EPB41L4A: variants seen among roughly 807,000 people sequenced by gnomAD.
The protein encoded by EPB41L4A is erythrocyte membrane protein band 4.1 like 4A.
A neutral mutation model predicts 108.6 loss-of-function variants in EPB41L4A; 100 were observed. The ratio of observed to expected loss-of-function variants is 0.92; its 90% CI spans 0.78 to 1.09. The LOEUF is 1.09. Among genes scored for constraint, EPB41L4A ranks in the 50% least tolerant of loss-of-function variants. EPB41L4A has a pLI of 0.00. For synonymous variants in EPB41L4A, 319 were observed against 289.0 expected (o/e 1.10, Z -1.05); for missense variants, 1,030 against 842.7 (o/e 1.22, Z -2.75).
intron 1 of EPB41L4A, among the ~76,000 whole-genome samples, chr5:112,328,272 G>A (rs1756314001): frequency 6.6e-6 from 1 of 151,978 alleles, no homozygotes; most frequent in Non-Finnish European, 1.5e-5. Flanking sequence ...TTGTGCCACT[G>A]TACTCCAGCC....
intron 17 of EPB41L4A, among the ~76,000 whole-genome samples, chr5:112,189,440 A>G (rs889292308): frequency 5.3e-5 from 8 of 152,212 alleles, no homozygotes; most frequent in African/African-American, 1.9e-4. Flanking sequence ...AGTGGGTTCA[A>G]TTTCATAGTA....
chr5:112,267,085 A>G (rs1751916165), intron 4 of EPB41L4A, among the ~76,000 whole-genome samples: 1 of 152,230 alleles, frequency 6.6e-6, no homozygotes, highest in Non-Finnish European at 1.5e-5. Flanking sequence ...TCAGGATGTC[A>G]TGTAACTTTG....
At chr5:112,373,774 C>T (rs1759637465) in intron 1 of EPB41L4A, among the ~76,000 whole-genome samples, 1 of 152,150 alleles carries the variant, frequency 6.6e-6, no homozygotes, top group Non-Finnish European at 1.5e-5. Context: ...GACAGTGAAA[C>T]AACTGCAGTC....
intron 12 of EPB41L4A, among the ~76,000 whole-genome samples, chr5:112,151,439 G>C (rs1032290606): frequency 4.6e-5 from 7 of 151,064 alleles, no homozygotes; most frequent in Non-Finnish European, 1.0e-4. Flanking sequence ...ACAGAGTCCT[G>C]TTCTGTCGCC....
chr5:112,333,036 T>C (rs890313874), intron 1 of EPB41L4A, among the ~76,000 whole-genome samples: 1 of 152,202 alleles, frequency 6.6e-6, no homozygotes, highest in African/African-American at 2.4e-5. Context: ...TAAGATATTA[T>C]AGAGTTCCCA....
At chr5:112,170,436 C>A in intron 19 of EPB41L4A, 67 bp from the exon 20 acceptor site, 2 of 1,042,298 alleles carry the variant, frequency 1.9e-6, no homozygotes. Flanking sequence ...CTTTCACAAT[C>A]GGCAGGTGAG....
chr5:112,239,865 T>C (rs925647647), intron 10 of EPB41L4A, 128 bp from the exon 11 acceptor site: 2 of 507,192 alleles, frequency 3.9e-6, no homozygotes, highest in African/African-American at 2.0e-5. Context: ...TCCAACATCA[T>C]GCAATTCATA....
At chr5:112,220,055 A>C in intron 12 of EPB41L4A, among the ~76,000 whole-genome samples, 1 of 152,206 alleles carries the variant, frequency 6.6e-6, no homozygotes, top group East Asian at 1.9e-4. Flanking sequence ...GATTACATGT[A>C]TCAAATCTAT....
At chr5:112,203,119 C>A (rs781448297) in intron 15 of EPB41L4A, among the ~76,000 whole-genome samples, 8 of 152,124 alleles carry the variant, frequency 5.3e-5, no homozygotes, top group Non-Finnish European at 8.8e-5. Context: ...GTAATCCCAG[C>A]ATTTTGGGAG....
At chr5:112,153,500 G>C (rs1294013588) in intron 12 of EPB41L4A, among the ~76,000 whole-genome samples, 2 of 150,146 alleles carry the variant, frequency 1.3e-5, no homozygotes, top group Admixed American at 1.3e-4. Flanking sequence ...CTGCACTCCA[G>C]CCAGGGCAAC....
In EPB41L4A at chr5:112,168,791, G is replaced by C. The variant is rs776607129; in HGVS notation, c.1880C>G (p.Pro627Arg). 6.2e-7 allele frequency: 1 copy of C among 1,614,076 alleles called. No individual in the cohort carries two copies. Among genetic ancestry groups the C allele is most frequent in the Non-Finnish European group, 8.5e-7 (1 of 1,179,926 alleles). ...NSKTDLVPPL[P>R]VTRSSDAQGS... ...CTGAGCATCCGAAGAACGGGTCACC[G>C]GAAGTGGTGGTACAAGATCTGTTTT... is the stretch of plus-strand genomic sequence containing the variant. Residue 627 changes from proline to arginine, a missense_variant, in exon 22 of 23, where the codon CCG becomes CGG. Transcript: ENST00000261486.
chr5:112,347,609 T>C (rs1026320275), intron 1 of EPB41L4A, among the ~76,000 whole-genome samples: 4 of 152,234 alleles, frequency 2.6e-5, no homozygotes, highest in Non-Finnish European at 5.9e-5. Context: ...CAGCTTTTAA[T>C]TATTCACCCG....
intron 12 of EPB41L4A, among the ~76,000 whole-genome samples, chr5:112,157,107 T>C (rs1469229271): frequency 1.3e-5 from 2 of 149,242 alleles, no homozygotes; most frequent in Non-Finnish European, 3.0e-5. Flanking sequence ...AATAGACCAG[T>C]AGGACAGAAT....
At chr5:112,306,557 T>C (rs1754695654) in intron 2 of EPB41L4A, among the ~76,000 whole-genome samples, 2 of 152,050 alleles carry the variant, frequency 1.3e-5, no homozygotes, top group Admixed American at 6.6e-5. Context: ...GGAGAACAAA[T>C]GAAGGAAGAG....
At chr5:112,309,072 C>T (rs1381718907) in intron 1 of EPB41L4A, among the ~76,000 whole-genome samples, 1 of 152,136 alleles carries the variant, frequency 6.6e-6, no homozygotes, top group East Asian at 1.9e-4. Context: ...TAGAATTTTA[C>T]TTATACTTAG....
chr5:112,209,278 G>A (rs1762616054), intron 13 of EPB41L4A, among the ~76,000 whole-genome samples: 1 of 152,176 alleles, frequency 6.6e-6, no homozygotes, highest in Non-Finnish European at 1.5e-5. Context: ...GAACATAATT[G>A]GAGAGAAGAA....
intron 3 of EPB41L4A, among the ~76,000 whole-genome samples, chr5:112,276,705 CT>C: frequency 6.6e-6 from 1 of 152,224 alleles, no homozygotes; most frequent in South Asian, 2.1e-4. Flanking sequence ...AATTTAGAAA[CT>C]GGGGAAAAGA....
chr5:112,224,680 C>T (rs11241155), intron 12 of EPB41L4A, among the ~76,000 whole-genome samples: 28,002 of 152,002 alleles, frequency 0.18, 3,186 homozygotes, highest in African/African-American at 0.31. Flanking sequence ...CCCACTAAGT[C>T]GCTTCTCAAT....
At chr5:112,401,817 G>A (rs930352883) in intron 1 of EPB41L4A, among the ~76,000 whole-genome samples, 1 of 152,176 alleles carries the variant, frequency 6.6e-6, no homozygotes, top group African/African-American at 2.4e-5. Context: ...AGATACACTA[G>A]TCAGCCTAAG....
Sources: allele counts gnomAD v4.1 joint callset (sites outside exome capture counted in the v4.1 genomes callset), GRCh38; gene constraint gnomAD v4.1.1; transcripts MANE v1.5; gene names NCBI Gene and HGNC (gene_info 2026-07-23, HGNC 2026-07-21).